Variants in OPCML observed in about 807,000 individuals in gnomAD.
The protein encoded by OPCML is opioid binding protein/cell adhesion molecule like.
In OPCML, 13 loss-of-function variants were observed where a neutral mutation model predicts 37.8. That is an observed-to-expected ratio of 0.34 (90% CI 0.22 to 0.55). The LOEUF is 0.55. OPCML is among the 20% of genes least tolerant of loss of function. OPCML has a pLI of 0.91. For missense variants in OPCML, 341 were observed against 435.6 expected, an observed-to-expected ratio of 0.78 and a Z score of 1.93; for synonymous variants, 176 against 168.8, an observed-to-expected ratio of 1.04 and a Z score of -0.33.
intron 1 of OPCML, among the ~76,000 whole-genome samples, chr11:133,428,637 A>G (rs115158600): frequency 8.4e-4 from 128 of 152,352 alleles, no homozygotes; most frequent in African/African-American, 2.9e-3. Context: ...AGACACATGT[A>G]AGAACTATAG....
At chr11:132,900,870 T>C (rs1369321595) in intron 2 of OPCML, among the ~76,000 whole-genome samples, 1 of 152,172 alleles carries the variant, frequency 6.6e-6, no homozygotes, top group Non-Finnish European at 1.5e-5. Flanking sequence ...GCCCTTGCCA[T>C]CTCACTTCAG....
intron 1 of OPCML, among the ~76,000 whole-genome samples, chr11:133,403,214 C>T (rs1945446936): frequency 6.6e-6 from 1 of 152,156 alleles, no homozygotes; most frequent in Admixed American, 6.5e-5. Flanking sequence ...CATGGACTTA[C>T]CTAACTCAAT....
chr11:133,035,160 C>T (rs1042383681), intron 1 of OPCML, among the ~76,000 whole-genome samples: 5 of 152,180 alleles, frequency 3.3e-5, no homozygotes, highest in Non-Finnish European at 7.3e-5. Flanking sequence ...CATAGATTAC[C>T]TTCATTCTGA....
intron 2 of OPCML, among the ~76,000 whole-genome samples, chr11:132,831,722 C>A (rs530559831): frequency 2.9e-4 from 43 of 149,682 alleles, no homozygotes; most frequent in Non-Finnish European, 5.5e-4. Flanking sequence ...ACTCTTCCCC[C>A]TTTTCTTCCC....
At chr11:133,034,953 T>C in intron 1 of OPCML, among the ~76,000 whole-genome samples, 1 of 152,102 alleles carries the variant, frequency 6.6e-6, no homozygotes, top group East Asian at 1.9e-4. Context: ...CAATGGGAGC[T>C]CTTTGCAGTG....
At chr11:132,608,058 T>G (rs1277760445) in intron 3 of OPCML, among the ~76,000 whole-genome samples, 1 of 152,244 alleles carries the variant, frequency 6.6e-6, no homozygotes, top group East Asian at 1.9e-4. Context: ...GTGATTTGAT[T>G]ACCCTGATTT....
intron 1 of OPCML, among the ~76,000 whole-genome samples, chr11:133,251,156 C>T (rs1941119619): frequency 6.6e-6 from 1 of 152,140 alleles, no homozygotes; most frequent in Non-Finnish European, 1.5e-5. Context: ...ATATATTCCT[C>T]ATCAAAAGTA....
At chr11:133,227,439 G>T (rs1940086659) in intron 1 of OPCML, among the ~76,000 whole-genome samples, 1 of 152,186 alleles carries the variant, frequency 6.6e-6, no homozygotes, top group Non-Finnish European at 1.5e-5. Flanking sequence ...AGTTTGAAAA[G>T]AGAGAGGTTT....
intron 3 of OPCML, among the ~76,000 whole-genome samples, chr11:132,605,256 G>A (rs1282660334): frequency 6.6e-6 from 1 of 152,058 alleles, no homozygotes; most frequent in Non-Finnish European, 1.5e-5. Context: ...TTGTTTCCAT[G>A]GTTTTAAGAA....
rs1408001217 is a variant in OPCML, at chr11:132,415,870, C to T, written c.*4323G>A. ...TAAGAAATGTGGGAAATGAGACTGGCAGTTTTGTTTGTTTGCATGTGGTGA... is the reference window on the plus strand; with the variant it reads ...TAAGAAATGTGGGAAATGAGACTGGTAGTTTTGTTTGTTTGCATGTGGTGA... On this transcript the variant is annotated 3_prime_UTR_variant, in exon 8 of 8. Coordinates refer to ENST00000524381, the MANE Select transcript of OPCML (RefSeq NM_001012393.5). 1 of 152,592 alleles carries T rather than the reference C, an allele frequency of 6.6e-6. No homozygotes were observed. The highest frequency in any genetic ancestry group is 1.5e-5 in the Non-Finnish European group (1 of 68,030). 9.5% of individuals were successfully genotyped at this position (152,592 alleles called of 1,614,324 possible). A position where few individuals can be genotyped will look rare whatever the true frequency, so the allele number is the denominator to read the frequency against.
At chr11:133,007,431 T>G (rs1947133898) in intron 1 of OPCML, 3 of 985,276 alleles carry the variant, frequency 3.0e-6, no homozygotes, top group Middle Eastern at 5.2e-4. Context: ...CTGTTACCAG[T>G]TTTTTATCTC....
In OPCML at chr11:132,437,333, C is replaced by T. The variant is rs961910950; in HGVS notation, c.532G>A (p.Glu178Lys). Reference protein sequence around the residue: ...KEGQGFVSEDEYLEISDIKRD... With the variant: ...KEGQGFVSEDKYLEISDIKRD... ...TTGATGTCAGAGATCTCCAGGTACT[C>T]ATCCTCACTTACAAAGCCCTGGCCT... Residue 178 changes from glutamate (E) to lysine (K), a missense_variant, in exon 5 of 8, where the codon GAG becomes AAG. Physicochemically the swap from Glu to Lys is moderately conservative, Grantham distance 56 (BLOSUM62 1). Transcript: ENST00000524381. 1 of 1,614,106 alleles carries T rather than the reference C, an allele frequency of 6.2e-7. No homozygotes were observed. The highest frequency in any genetic ancestry group is 1.3e-5 in the African/African-American group (1 of 74,942).
intron 1 of OPCML, among the ~76,000 whole-genome samples, chr11:133,128,347 G>C (rs1041361660): frequency 6.6e-6 from 1 of 152,172 alleles, no homozygotes; most frequent in Non-Finnish European, 1.5e-5. Context: ...GAAGGAGCTG[G>C]CAAATAGCTT....
chr11:132,937,586 CGTGTGTGGGGTGTGTGTGTGT>C (rs1406545074), intron 2 of OPCML, among the ~76,000 whole-genome samples: 2 of 99,480 alleles, frequency 2.0e-5, no homozygotes, highest in Admixed American at 1.0e-4. Context: ...GTGTGTGTGG[CGTGTGTGGGGTGTGTGTGTGT>C]GTGTGTGTGT....
In OPCML at chr11:133,230,098, C is replaced by T. The variant is rs1451156928; in HGVS notation, c.62-287088G>A. On this transcript the variant is annotated intron_variant, in intron 1 of 7. Coordinates refer to ENST00000524381, the MANE Select transcript of OPCML (RefSeq NM_001012393.5). ...AGAAAAAGCTTCCCAATGCGTCCCA[C>T]CATGCATTTCTACTCACCGTGGTCT... Among the ~76,000 whole-genome samples the T allele has an allele frequency of 2.0e-5, 3 of 152,226 alleles. No individual in the cohort carries two copies. The East Asian group carries it at 5.8e-4, about 29-fold the overall frequency.
chr11:132,493,328 G>C (rs1372239819), intron 4 of OPCML, among the ~76,000 whole-genome samples: 1 of 152,202 alleles, frequency 6.6e-6, no homozygotes, highest in Non-Finnish European at 1.5e-5. Context: ...CATCTGGAAA[G>C]CTGCTGAGAT....
chr11:132,874,190 G>T (rs571285968), intron 2 of OPCML, among the ~76,000 whole-genome samples: 10 of 152,132 alleles, frequency 6.6e-5, no homozygotes, highest in Non-Finnish European at 1.3e-4. Context: ...CATAATTGGG[G>T]CAGGTATTTT....
intron 1 of OPCML, among the ~76,000 whole-genome samples, chr11:132,944,693 T>C (rs1370951424): frequency 6.6e-6 from 1 of 152,144 alleles, no homozygotes; most frequent in Non-Finnish European, 1.5e-5. Flanking sequence ...GTGACTGGGG[T>C]GCTTTTGGAA....
chr11:133,091,666 T>G (rs896479420), intron 1 of OPCML, among the ~76,000 whole-genome samples: 2 of 152,182 alleles, frequency 1.3e-5, no homozygotes, highest in African/African-American at 4.8e-5. Context: ...TTCTTCCTTT[T>G]AGAATGGGGA....
Sources: gnomAD v4.1 joint callset for allele counts (sites outside exome capture counted in the v4.1 genomes callset) on GRCh38, gnomAD v4.1.1 for gene constraint, MANE v1.5 for transcripts, NCBI Gene and HGNC (gene_info 2026-07-23, HGNC 2026-07-21) for gene names.